Variants in ADCY8 observed in about 807,000 individuals in gnomAD.
ADCY8 encodes adenylate cyclase 8, also known as adenylate cyclase type 8.
In ADCY8, 51 loss-of-function variants were observed where a neutral mutation model predicts 119.7. The ratio of observed to expected loss-of-function variants is 0.43; its 90% CI spans 0.34 to 0.54. The LOEUF (loss-of-function observed/expected upper bound fraction) is 0.54. Ranked by LOEUF, ADCY8 falls within the 20% of genes least tolerant of loss-of-function variation. The pLI is 0.03. For synonymous variants in ADCY8, 665 were observed against 651.0 expected (o/e 1.02, Z -0.33); for missense variants, 1,383 against 1,598.8 (o/e 0.87, Z 2.30).
intron 14 of ADCY8, among the ~76,000 whole-genome samples, chr8:130,813,703 G>A (rs898618198): frequency 6.6e-5 from 10 of 152,050 alleles, no homozygotes; most frequent in African/African-American, 2.4e-4. Context: ...ATACAAATAT[G>A]TCTTTGAGAC....
chr8:130,904,094 G>T (rs372311384), intron 6 of ADCY8, 52 bp from the exon 7 acceptor site: 13 of 1,546,462 alleles, frequency 8.4e-6, no homozygotes, highest in Non-Finnish European at 1.1e-5. Flanking sequence ...GCCTGCAAAG[G>T]CTATATTTTT....
intron 5 of ADCY8, among the ~76,000 whole-genome samples, chr8:130,926,663 A>T (rs1355431133): frequency 6.6e-6 from 1 of 152,102 alleles, no homozygotes; most frequent in Non-Finnish European, 1.5e-5. Context: ...AGTCACCAAG[A>T]TGTATAATAG....
chr8:130,945,591 C>T (rs990816273), intron 3 of ADCY8, among the ~76,000 whole-genome samples: 1 of 152,192 alleles, frequency 6.6e-6, no homozygotes, highest in Non-Finnish European at 1.5e-5. Context: ...CAATTGCCAG[C>T]ATAGTAAATG....
intron 4 of ADCY8, among the ~76,000 whole-genome samples, chr8:130,941,684 C>A (rs1820961952): frequency 6.6e-6 from 1 of 152,144 alleles, no homozygotes; most frequent in African/African-American, 2.4e-5. Flanking sequence ...TAGCTAGTAG[C>A]TGTTCAGTAG....
chr8:130,935,213 G>A (rs1362990658), intron 5 of ADCY8, among the ~76,000 whole-genome samples: 2 of 152,150 alleles, frequency 1.3e-5, no homozygotes, highest in Non-Finnish European at 2.9e-5. Flanking sequence ...TCTTCGAAGA[G>A]GCTTGGATGC....
At position 130,822,776 on chromosome 8, in the gene ADCY8, T is replaced by C. The variant is rs562484685; in HGVS notation, c.2676-1356A>G. 5.9e-5 allele frequency among the ~76,000 whole-genome samples: 9 copies of C among 152,366 alleles called. No homozygotes were observed. The South Asian group carries it at 1.4e-3, about 25-fold the overall frequency. ...ATCCAGGTTCCAATGTCAGCTTTTC[T>C]ACTGACCAGTTGTTTGACCTTGGAA... On this transcript the variant is annotated intron_variant, in intron 12 of 17. Transcript: ENST00000286355.
At chr8:131,029,143 T>C (rs913236090) in intron 1 of ADCY8, among the ~76,000 whole-genome samples, 2 of 152,236 alleles carry the variant, frequency 1.3e-5, no homozygotes, top group Admixed American at 6.5e-5. Context: ...TCAAACCCTA[T>C]TGTGAACTGC....
intron 1 of ADCY8, among the ~76,000 whole-genome samples, chr8:130,991,760 T>C (rs538332541): frequency 4.6e-5 from 7 of 152,366 alleles, no homozygotes; most frequent in African/African-American, 7.2e-5. Flanking sequence ...TATTCTAATC[T>C]GACCCAGATG....
intron 15 of ADCY8, among the ~76,000 whole-genome samples, chr8:130,799,003 G>A (rs917864334): frequency 6.6e-6 from 1 of 152,112 alleles, no homozygotes; most frequent in Non-Finnish European, 1.5e-5. Context: ...GATGGGTCTG[G>A]AGGATATGAT....
At chr8:130,857,391 C>T (rs12540962) in intron 9 of ADCY8, among the ~76,000 whole-genome samples, 24,834 of 152,106 alleles carry the variant, frequency 0.16, 2,441 homozygotes, top group Non-Finnish European at 0.22. Context: ...TAGTCTCATC[C>T]ATTTTTATTA....
intron 1 of ADCY8, among the ~76,000 whole-genome samples, chr8:131,024,465 T>C (rs1448699939): frequency 1.3e-5 from 2 of 152,280 alleles, no homozygotes; most frequent in South Asian, 2.1e-4. Flanking sequence ...CTGGGGTCCA[T>C]AGACAAGGAA....
chr8:130,880,086 C>A (rs1280507245), intron 8 of ADCY8, among the ~76,000 whole-genome samples: 1 of 152,300 alleles, frequency 6.6e-6, no homozygotes, highest in African/African-American at 2.4e-5. Context: ...ATGTGACTTG[C>A]TCCTCCTTCA....
intron 1 of ADCY8, among the ~76,000 whole-genome samples, chr8:131,034,319 A>G (rs1323641141): frequency 6.6e-6 from 1 of 152,074 alleles, no homozygotes; most frequent in Non-Finnish European, 1.5e-5. Flanking sequence ...ATTTTATTAT[A>G]TTTATTTTAT....
chr8:130,976,349 A>G (rs919180045), intron 2 of ADCY8, among the ~76,000 whole-genome samples: 6 of 152,192 alleles, frequency 3.9e-5, no homozygotes, highest in Non-Finnish European at 8.8e-5. Context: ...AGCAAACTGT[A>G]TTTCATTATT....
intron 7 of ADCY8, among the ~76,000 whole-genome samples, chr8:130,893,157 C>G (rs189514424): frequency 6.6e-6 from 1 of 152,148 alleles, no homozygotes; most frequent in Non-Finnish European, 1.5e-5. Context: ...TCATTTAGAT[C>G]CGACCACTTT....
intron 14 of ADCY8, among the ~76,000 whole-genome samples, chr8:130,811,164 G>A (rs1036980009): frequency 6.6e-6 from 1 of 152,072 alleles, no homozygotes; most frequent in Non-Finnish European, 1.5e-5. Context: ...TGGAGTCTCC[G>A]CACCCAAGAG....
intron 12 of ADCY8, among the ~76,000 whole-genome samples, chr8:130,828,914 C>CAA (rs1816745435): frequency 6.6e-6 from 1 of 152,204 alleles, no homozygotes; most frequent in Admixed American, 6.5e-5. Flanking sequence ...CAAACCAGCA[C>CAA]ACTTCCTTTA....
At chr8:131,024,164 G>A (rs183429328) in intron 1 of ADCY8, among the ~76,000 whole-genome samples, 93 of 152,298 alleles carry the variant, frequency 6.1e-4, no homozygotes, top group African/African-American at 2.1e-3. Context: ...CATGAGTGGA[G>A]TCACCTTGTG....
intron 5 of ADCY8, among the ~76,000 whole-genome samples, chr8:130,924,827 C>T (rs748753819): frequency 3.2e-4 from 48 of 152,114 alleles, no homozygotes; most frequent in African/African-American, 1.0e-3. Context: ...CCTATCACCC[C>T]GCCTATCTTC....
Sources: allele counts gnomAD v4.1 joint callset (sites outside exome capture counted in the v4.1 genomes callset), GRCh38; gene constraint gnomAD v4.1.1; transcripts MANE v1.5; gene names NCBI Gene and HGNC (gene_info 2026-07-23, HGNC 2026-07-21).